The following FAM83C variants were observed in gnomAD, a reference collection of about 807,000 sequenced individuals.
FAM83C encodes the protein protein FAM83C.
FAM83C carries 23 observed loss-of-function variants against 27.1 expected under a neutral mutation model. The observed-to-expected ratio is 0.85, with a 90% CI of 0.61 to 1.20. The LOEUF (loss-of-function observed/expected upper bound fraction) is 1.20, where lower values mean the gene tolerates loss of function less well. Among genes scored for constraint, FAM83C ranks in the 50% most tolerant of loss-of-function variants. The pLI, the probability that FAM83C is intolerant of heterozygous loss-of-function variation, is 0.00. For synonymous variants in FAM83C, 426 were observed against 423.1 expected (o/e 1.01, Z -0.09); for missense variants, 984 against 1,001.3 (o/e 0.98, Z 0.23).
At chr20:35,289,099 A>C in intron 1 of FAM83C, 141 bp from the exon 2 acceptor site, 1 of 1,069,748 alleles carries the variant, frequency 9.3e-7, no homozygotes, top group Non-Finnish European at 1.3e-6. Flanking sequence ...AGAGCAAGTG[A>C]ACAGGAAGGG....
At position 35,288,877 on chromosome 20, in the gene FAM83C, G is replaced by A. The variant is rs2060838509; in HGVS notation, c.595C>T (p.Pro199Ser). 6.2e-7 allele frequency: 1 copy of A among 1,614,128 alleles called. No homozygotes were observed. The highest frequency in any genetic ancestry group is 1.3e-5 in the African/African-American group (1 of 75,020). The part of the protein sequence containing the change: ...LMEASSRRGV[P>S]VYLLLAQEHL... ...TCCTGGGCAAGGAGCAGGTACACAG[G>A]GACACCACGCCGGCTTGAGGCCTCC... The change falls in exon 2 of 4, where the codon CCT becomes TCT. Residue 199 changes from proline to serine, a missense_variant. Transcript: ENST00000374408.
In FAM83C at chr20:35,287,596, G is replaced by A. The variant is rs146024740; in HGVS notation, c.1183C>T (p.His395Tyr). The A allele has an allele frequency of 4.6e-4, 744 of 1,614,036 alleles. 1 individual carries two copies. Among genetic ancestry groups the A allele is most frequent in the Non-Finnish European group, 6.0e-4 (713 of 1,180,020 alleles). The change falls in exon 4 of 4, where the codon CAT becomes TAT. Residue 395 changes from histidine to tyrosine, a missense_variant. Coordinates refer to ENST00000374408, the MANE Select transcript of FAM83C (RefSeq NM_178468.6). ...TGGTTAGGGTCTGACAGTTGGCGAT[G>A]TAGGGAGGGCTGGCCACTGGCCTCA... is the stretch of plus-strand genomic sequence containing the variant. ...RREASGQPSLHRQLSDPNHGS... is the reference protein window; with the variant it reads ...RREASGQPSLYRQLSDPNHGS...
intron 1 of FAM83C, among the ~76,000 whole-genome samples, chr20:35,291,426 T>A (rs1568636183): frequency 6.6e-6 from 1 of 152,178 alleles, no homozygotes; most frequent in Non-Finnish European, 1.5e-5. Flanking sequence ...AGGTTGGAGT[T>A]CTTAGTGTGG....
Position 35,292,138 on chromosome 20 carries a change from C to A in FAM83C, c.167G>T (p.Gly56Val), listed in dbSNP as rs371608470. ...GATGACCCGCAGGTAGGCAGCCTCA[C>A]CCCGCTCCAGGAGGGCGTCGGCCGC... The part of the protein sequence containing the change: ...RLAADALLER[G>V]EAAYLRVISE... Residue 56 changes from glycine to valine, a missense_variant, in exon 1 of 4, where the codon GGT (glycine) becomes GTT (valine). By Grantham distance (109) the Gly-to-Val change is moderately radical. Transcript: ENST00000374408. 1.2e-6 allele frequency: 2 copies of A among 1,601,122 alleles called. No homozygotes were observed. The highest frequency in any genetic ancestry group is 1.7e-6 in the Non-Finnish European group (2 of 1,179,740).
chr20:35,286,386 TACACAAGAATCTTGAGCCCAGAGA>T lies in FAM83C; in HGVS notation c.*125_*148del. The T allele has an allele frequency of 8.7e-6, 5 of 575,504 alleles. No homozygotes were observed. The highest frequency in any genetic ancestry group is 3.6e-5 in the Admixed American group (1 of 27,952). 35.6% of individuals were successfully genotyped at this position (575,504 alleles called of 1,614,324 possible). A position where few individuals can be genotyped will look rare whatever the true frequency, so the allele number is the denominator to read the frequency against. ...GTGTGTGTGTGTGTGTGTGTGTGTG[TACACAAGAATCTTGAGCCCAGAGA>T]GTGTGTCTGACCTGGGTTTCTAGAC... is the stretch of plus-strand genomic sequence containing the variant. On this transcript the variant is annotated 3_prime_UTR_variant, in exon 4 of 4. Coordinates refer to ENST00000374408, the MANE Select transcript of FAM83C (RefSeq NM_178468.6).
In FAM83C at chr20:35,286,622, C is replaced by T. The variant is rs778754877; in HGVS notation, c.2157G>A (p.Arg719=). ...CCAGTTTGCTGTGACCCAGGGTCAG[C>T]CGTTTCTCATCCCTGACCAGGTCAC... ...GNSDLVRDEK[R]LTLGHSKLDL... is the part of the protein sequence containing the mutation. The change falls in exon 4 of 4, where the codon CGG becomes CGA. Residue 719 remains arginine, a synonymous_variant. Coordinates refer to ENST00000374408, the MANE Select transcript of FAM83C (RefSeq NM_178468.6). 1.2e-6 allele frequency: 2 copies of T among 1,614,110 alleles called. No homozygotes were observed. The highest frequency in any genetic ancestry group is 1.7e-5 in the Admixed American group (1 of 60,022).
At chr20:35,288,228 A>G (rs2060836001) in intron 3 of FAM83C, among the ~76,000 whole-genome samples, 1 of 152,136 alleles carries the variant, frequency 6.6e-6, no homozygotes, top group Admixed American at 6.5e-5. Flanking sequence ...AAGTCACTCC[A>G]GTTCCAATGG....
At position 35,288,501 on chromosome 20, in the gene FAM83C, C is replaced by T. The variant is rs773652175; in HGVS notation, c.766G>A (p.Val256Ile). ...ACCACTTGCTCACAGTCAATGAGGA[C>T]GAACTTCTCCAGGGCCTGCCCCGTG... ...RFTGQALEKF[V>I]LIDCEQVVAG... The change falls in exon 3 of 4, where the codon GTC (valine) becomes ATC (isoleucine). Residue 256 changes from valine (V) to isoleucine (I), a missense_variant. Physicochemically the swap from Val to Ile is conservative, Grantham distance 29. Transcript: ENST00000374408. 26 of 1,614,058 alleles carry T rather than the reference C, an allele frequency of 1.6e-5. No individual in the cohort carries two copies. Among genetic ancestry groups the T allele is most frequent in the African/African-American group, 1.2e-4 (9 of 74,930 alleles).
intron 2 of FAM83C, 52 bp from the exon 3 acceptor site, chr20:35,288,637 G>A (rs1277445201): frequency 2.5e-6 from 4 of 1,604,946 alleles, no homozygotes; most frequent in Non-Finnish European, 3.4e-6. Flanking sequence ...CTCAAGCCAT[G>A]TCTCTGCCCC....
At position 35,288,356 on chromosome 20, in the gene FAM83C, A is replaced by G; in HGVS notation, c.806+105T>C. 3 of 1,547,416 alleles carry G rather than the reference A, an allele frequency of 1.9e-6. No homozygotes were observed. In the Admixed American group the frequency reaches 5.4e-5, roughly 28 times the overall value. ...CCTGGCATGATGCCTGGCACATGGC[A>G]GGTACTCAGCCCGTGTCCGAAGGAA... On this transcript the variant is annotated intron_variant, in intron 3 of 3. Transcript: ENST00000374408.
intron 3 of FAM83C, 22 bp from the exon 4 acceptor site, chr20:35,287,994 G>A: frequency 1.9e-6 from 3 of 1,554,618 alleles, no homozygotes; most frequent in African/African-American, 1.4e-5. Context: ...GGGACAGGGG[G>A]GTCAGGAGGC....
Position 35,288,569 on chromosome 20 carries a change from C to T in FAM83C, c.698G>A (p.Ser233Asn). The change falls in exon 3 of 4, where the codon AGC (serine) becomes AAC (asparagine). Residue 233 changes from serine (S) to asparagine (N), a missense_variant. Coordinates refer to ENST00000374408, the MANE Select transcript of FAM83C (RefSeq NM_178468.6). ...GCTGCAGTATGTGTCCCCACACGTG[C>T]TCCGCACACGCATGTTCTAGGTGGA... Reference protein sequence around the residue: ...GEHLPNMRVRSTCGDTYCSKA... With the variant: ...GEHLPNMRVRNTCGDTYCSKA... The T allele has an allele frequency of 1.9e-6, 3 of 1,614,198 alleles. No individual in the cohort carries two copies. The highest frequency in any genetic ancestry group is 2.5e-6 in the Non-Finnish European group (3 of 1,180,016).
chr20:35,286,372 T>G lies in FAM83C; in HGVS notation c.*163A>C. 1 of 606,902 alleles carries G rather than the reference T, an allele frequency of 1.6e-6. No homozygotes were observed. The highest frequency in any genetic ancestry group is 2.9e-6 in the Non-Finnish European group (1 of 348,352). The allele number at this position is 606,902 out of a possible 1,614,324, so 37.6% of individuals were successfully genotyped here. A position where few individuals can be genotyped will look rare whatever the true frequency, so the allele number is the denominator to read the frequency against. On this transcript the variant is annotated 3_prime_UTR_variant, in exon 4 of 4. Coordinates refer to ENST00000374408, the MANE Select transcript of FAM83C (RefSeq NM_178468.6). ...TAGTTAGGGTGTGTGTGTGTGTGTG[T>G]GTGTGTGTGTGTGTACACAAGAATC...
At chr20:35,289,207 G>C (rs917605901) in intron 1 of FAM83C, among the ~76,000 whole-genome samples, 2 of 152,144 alleles carry the variant, frequency 1.3e-5, no homozygotes, top group African/African-American at 4.8e-5. Flanking sequence ...TCACTCTGTT[G>C]CCCAGGCTGC....
chr20:35,287,874 G>A lies in FAM83C; in HGVS notation c.905C>T (p.Ala302Val), dbSNP rs1285612740. The A allele has an allele frequency of 6.4e-7, 1 of 1,562,794 alleles. No homozygotes were observed. The highest frequency in any genetic ancestry group is 1.2e-5 in the South Asian group (1 of 85,320). Residue 302 changes from alanine to valine, a missense_variant, in exon 4 of 4, where the codon GCT (alanine) becomes GTT (valine). Physicochemically the swap from Ala to Val is moderately conservative, Grantham distance 64 (BLOSUM62 0). Coordinates refer to ENST00000374408, the MANE Select transcript of FAM83C (RefSeq NM_178468.6). The stretch of plus-strand genomic sequence containing the variant: ...GAAGCCCTCCACAGGCTGCGACTCA[G>A]CGTACAGACAGCGGAACTCCCGGTC... ...DFDREFRCLY[A>V]ESQPVEGFCG...
rs2060833133 is a variant in FAM83C, at chr20:35,287,666, G to A, written c.1113C>T (p.Cys371=). 2 of 1,613,986 alleles carry A rather than the reference G, an allele frequency of 1.2e-6. No homozygotes were observed. The highest frequency in any genetic ancestry group is 2.2e-5 in the East Asian group (1 of 44,868). Reference sequence around the variant, plus strand: ...ACGAGGACACCACACCCGTATCACTGCAATCACCACCTCCTGGTAGAGCGA... The same window carrying A: ...ACGAGGACACCACACCCGTATCACTACAATCACCACCTCCTGGTAGAGCGA... ...SYLALPGGGD[C]SDTGVVSSSL... Residue 371 remains cysteine, a synonymous_variant, in exon 4 of 4, where the codon TGC becomes TGT. Transcript: ENST00000374408.
intron 3 of FAM83C, 54 bp from the exon 4 acceptor site, chr20:35,288,026 C>CGGCA: frequency 6.8e-7 from 1 of 1,465,638 alleles, no homozygotes; most frequent in Non-Finnish European, 9.2e-7. Context: ...TCCTGGGGGT[C>CGGCA]GGCAGGAGTC....
chr20:35,287,975 G>A lies in FAM83C; in HGVS notation c.807-3C>T, dbSNP rs1442240461. 7 of 1,562,556 alleles carry A rather than the reference G, an allele frequency of 4.5e-6. No homozygotes were observed. Among genetic ancestry groups the A allele is most frequent in the Non-Finnish European group, 6.1e-6 (7 of 1,152,534 alleles). ...CCTGGCTGCAAAGCCAGGTGAAGCTGGGGGCAGAGGGACAGGGGGGTCAGG... is the reference window on the plus strand; with the variant it reads ...CCTGGCTGCAAAGCCAGGTGAAGCTAGGGGCAGAGGGACAGGGGGGTCAGG... On this transcript the variant is annotated splice_polypyrimidine_tract_variant and splice_region_variant and intron_variant, in intron 3 of 3. Transcript: ENST00000374408.
At position 35,286,611 on chromosome 20, in the gene FAM83C, C is replaced by A; in HGVS notation, c.2168G>T (p.Gly723Val). Residue 723 changes from glycine to valine, a missense_variant, in exon 4 of 4, where the codon GGT becomes GTT. Transcript: ENST00000374408. ...AGTGATGAGGTCCAGTTTGCTGTGACCCAGGGTCAGCCGTTTCTCATCCCT... is the reference window on the plus strand; with the variant it reads ...AGTGATGAGGTCCAGTTTGCTGTGAACCAGGGTCAGCCGTTTCTCATCCCT... ...LVRDEKRLTLGHSKLDLITKY... is the reference protein window; with the variant it reads ...LVRDEKRLTLVHSKLDLITKY... 1 of 1,614,154 alleles carries A rather than the reference C, an allele frequency of 6.2e-7. No homozygotes were observed. Among genetic ancestry groups the A allele is most frequent in the Admixed American group, 1.7e-5 (1 of 60,026 alleles).
Sources: gnomAD v4.1 joint callset for allele counts (sites outside exome capture counted in the v4.1 genomes callset) on GRCh38, gnomAD v4.1.1 for gene constraint, MANE v1.5 for transcripts, NCBI Gene and HGNC (gene_info 2026-07-23, HGNC 2026-07-21) for gene names.